Variants in TEC observed in about 807,000 individuals in gnomAD.
The protein encoded by TEC is tec protein tyrosine kinase.
TEC carries 72 observed loss-of-function variants against 93.0 expected under a neutral mutation model. That is an observed-to-expected ratio of 0.77 (90% confidence interval 0.64 to 0.94). The LOEUF (loss-of-function observed/expected upper bound fraction) is 0.94. TEC is among the 40% of genes least tolerant of loss of function. TEC has a pLI of 0.00. For synonymous variants in TEC, 249 were observed against 247.7 expected (o/e 1.01, Z -0.05); for missense variants, 630 against 757.9 (o/e 0.83, Z 1.98).
chr4:48,240,469 C>G (rs1468188723), intron 1 of TEC, among the ~76,000 whole-genome samples: 3 of 152,032 alleles, frequency 2.0e-5, no homozygotes, highest in Non-Finnish European at 4.4e-5. Context: ...CCAATGGTCC[C>G]GGTGATTCCT....
chr4:48,175,543 G>C (rs1406566032), intron 3 of TEC, among the ~76,000 whole-genome samples: 1 of 152,198 alleles, frequency 6.6e-6, no homozygotes, highest in African/African-American at 2.4e-5. Flanking sequence ...GCAGGAATGC[G>C]GAGTAGCTCA....
chr4:48,221,264 A>G (rs950382175), intron 2 of TEC, among the ~76,000 whole-genome samples: 9 of 152,128 alleles, frequency 5.9e-5, no homozygotes, highest in Admixed American at 5.2e-4. Context: ...ATAATCCCCA[A>G]CGTGTTGTGG....
chr4:48,170,003 T>G (rs1412702569), intron 5 of TEC, among the ~76,000 whole-genome samples: 3 of 152,190 alleles, frequency 2.0e-5, no homozygotes, highest in Admixed American at 2.0e-4. Flanking sequence ...GGCTCACACT[T>G]TCAATGGATT....
At chr4:48,138,297 G>A (rs2109498530) in intron 17 of TEC, among the ~76,000 whole-genome samples, 1 of 152,236 alleles carries the variant, frequency 6.6e-6, no homozygotes, top group East Asian at 1.9e-4. Context: ...TCGGAAAGTT[G>A]AGGTTTAGAG....
At chr4:48,223,998 G>A (rs1353580469) in intron 2 of TEC, among the ~76,000 whole-genome samples, 1 of 152,152 alleles carries the variant, frequency 6.6e-6, no homozygotes, top group Admixed American at 6.5e-5. Flanking sequence ...TAAGATTCTT[G>A]GAAGCTTATG....
At chr4:48,264,460 T>C (rs888612409) in intron 1 of TEC, among the ~76,000 whole-genome samples, 12 of 152,184 alleles carry the variant, frequency 7.9e-5, no homozygotes, top group African/African-American at 2.9e-4. Flanking sequence ...TCCAGTCTTC[T>C]TTTCCACTTA....
At chr4:48,191,078 G>T (rs1420058861) in intron 2 of TEC, among the ~76,000 whole-genome samples, 1 of 152,196 alleles carries the variant, frequency 6.6e-6, no homozygotes, top group South Asian at 2.1e-4. Context: ...TGCCAGCTCT[G>T]TGGCCCCATG....
chr4:48,167,148 G>A (rs1230359223), intron 7 of TEC, among the ~76,000 whole-genome samples: 1 of 151,936 alleles, frequency 6.6e-6, no homozygotes, highest in Non-Finnish European at 1.5e-5. Context: ...TCAATGATAG[G>A]GTTGAAAGGA....
chr4:48,147,734 A>C (rs1719978733), intron 11 of TEC, among the ~76,000 whole-genome samples: 1 of 152,188 alleles, frequency 6.6e-6, no homozygotes, highest in South Asian at 2.1e-4. Context: ...TAAGAGTTAA[A>C]TGTAGACTTG....
intron 10 of TEC, 55 bp from the exon 11 acceptor site, chr4:48,149,745 C>A: frequency 1.3e-6 from 2 of 1,534,424 alleles, no homozygotes; most frequent in South Asian, 2.6e-5. Flanking sequence ...GAACTTCATT[C>A]TTAAGATGTT....
At chr4:48,139,679 T>A (rs924156564) in intron 15 of TEC, among the ~76,000 whole-genome samples, 2 of 152,218 alleles carry the variant, frequency 1.3e-5, no homozygotes, top group Admixed American at 6.5e-5. Context: ...AGTAGCTAAC[T>A]TTAGGGGAGA....
At chr4:48,163,233 A>ATAT (rs1029432528) in intron 8 of TEC, among the ~76,000 whole-genome samples, 1 of 152,210 alleles carries the variant, frequency 6.6e-6, no homozygotes, top group African/African-American at 2.4e-5. Flanking sequence ...TTTTCAAAGA[A>ATAT]TATTAAAGTG....
At chr4:48,147,930 C>T (rs1719987301) in intron 11 of TEC, among the ~76,000 whole-genome samples, 1 of 152,162 alleles carries the variant, frequency 6.6e-6, no homozygotes, top group Non-Finnish European at 1.5e-5. Context: ...AATACATCTA[C>T]ATACTACAAC....
intron 1 of TEC, among the ~76,000 whole-genome samples, chr4:48,234,211 G>A (rs967034947): frequency 2.6e-5 from 4 of 152,298 alleles, no homozygotes; most frequent in African/African-American, 9.6e-5. Flanking sequence ...CCAATGAAGT[G>A]ACAGGAGAAT....
chr4:48,238,811 C>T (rs952444175), intron 1 of TEC, among the ~76,000 whole-genome samples: 11 of 151,758 alleles, frequency 7.2e-5, no homozygotes, highest in African/African-American at 2.4e-4. Context: ...GTTATATGTA[C>T]TCCTTCCAGG....
intron 2 of TEC, among the ~76,000 whole-genome samples, chr4:48,176,469 C>T (rs973585898): frequency 3.9e-5 from 6 of 152,092 alleles, no homozygotes; most frequent in Admixed American, 6.6e-5. Context: ...CCCTGTAATC[C>T]CAGCACTTTG....
At chr4:48,179,364 A>T (rs1176162427) in intron 2 of TEC, among the ~76,000 whole-genome samples, 5 of 36,870 alleles carry the variant, frequency 1.4e-4, no homozygotes, top group East Asian at 1.6e-3. Flanking sequence ...ATATATATAT[A>T]TATATATATA....
intron 2 of TEC, among the ~76,000 whole-genome samples, chr4:48,189,150 T>A (rs1270318490): frequency 6.6e-6 from 1 of 152,240 alleles, no homozygotes; most frequent in Admixed American, 6.5e-5. Flanking sequence ...ATGGCACATA[T>A]ATGGCAAATT....
chr4:48,179,376 A>ATATAT (rs1560393438), intron 2 of TEC, among the ~76,000 whole-genome samples: 1 of 21,164 alleles, frequency 4.7e-5, no homozygotes, highest in Non-Finnish European at 8.4e-5. Flanking sequence ...ATATATATAT[A>ATATAT]TTTTTTTTTT....
Sources: allele counts gnomAD v4.1 joint callset (sites outside exome capture counted in the v4.1 genomes callset), GRCh38; gene constraint gnomAD v4.1.1; transcripts MANE v1.5; gene names NCBI Gene and HGNC (gene_info 2026-07-23, HGNC 2026-07-21).